The following CPQ variants were observed in gnomAD, a reference collection of about 807,000 sequenced individuals.
CPQ encodes Ser-Met dipeptidase.
In CPQ, 37 loss-of-function variants were observed where a neutral mutation model predicts 45.7. The observed-to-expected ratio is 0.81, with a 90% CI of 0.62 to 1.07. The LOEUF (loss-of-function observed/expected upper bound fraction) is 1.07. Ranked by LOEUF, CPQ falls within the 50% of genes least tolerant of loss-of-function variation. CPQ has a pLI of 0.00. For synonymous variants in CPQ, 186 were observed against 205.8 expected (o/e 0.90, Z 0.82); for missense variants, 537 against 572.9 (o/e 0.94, Z 0.64).
intron 6 of CPQ, among the ~76,000 whole-genome samples, chr8:97,039,641 A>T (rs1384745072): frequency 2.4e-5 from 3 of 122,870 alleles, no homozygotes; most frequent in African/African-American, 3.2e-5. Context: ...CACTCCCCCC[A>T]CCCCACAACA....
chr8:96,670,543 G>C, intron 1 of CPQ, among the ~76,000 whole-genome samples: 1 of 152,220 alleles, frequency 6.6e-6, no homozygotes, highest in Non-Finnish European at 1.5e-5. Flanking sequence ...AAAATTAACA[G>C]AGACAGACAT....
At chr8:96,670,319 T>A (rs12675787) in intron 1 of CPQ, among the ~76,000 whole-genome samples, 105,375 of 149,710 alleles carry the variant, frequency 0.7, 37,411 homozygotes, top group Middle Eastern at 0.82. Flanking sequence ...AATTTTTTTT[T>A]TTTTTTTTTT....
At chr8:97,033,621 C>T (rs1410401823) in intron 6 of CPQ, among the ~76,000 whole-genome samples, 1 of 150,778 alleles carries the variant, frequency 6.6e-6, no homozygotes, top group Non-Finnish European at 1.5e-5. Context: ...CTTGCATGCA[C>T]AATCTTTTTT....
At chr8:96,723,262 T>C (rs2319918) in intron 1 of CPQ, among the ~76,000 whole-genome samples, 60,235 of 152,090 alleles carry the variant, frequency 0.4, 12,258 homozygotes, top group East Asian at 0.56. Flanking sequence ...TTCACTGACA[T>C]AATTTTCTAA....
rs61741750 is a variant in CPQ at position 96,879,831 on chromosome 8, C to T, written c.675C>T (p.Gly225=). The T allele has an allele frequency of 0.023, 37,350 of 1,613,776 alleles. 607 individuals are homozygous for T. The highest frequency in any genetic ancestry group is 0.068 in the African/African-American group (5,122 of 74,978). ...CAGGTATTCAGGAATACCAGGATGG[C>T]GTGCCCAAGATTCCAACAGCCTGTA... The part of the protein sequence containing the change: ...PHTGIQEYQD[G]VPKIPTACIT... Residue 225 remains glycine, a synonymous_variant, in exon 4 of 8, where the codon GGC becomes GGT. Transcript: ENST00000220763.
At chr8:96,897,600 T>G (rs997959499) in intron 4 of CPQ, among the ~76,000 whole-genome samples, 1 of 152,222 alleles carries the variant, frequency 6.6e-6, no homozygotes, top group African/African-American at 2.4e-5. Context: ...AAAATTTGTA[T>G]GAAATTATCT....
At chr8:96,820,552 G>C (rs931389732) in intron 2 of CPQ, among the ~76,000 whole-genome samples, 1 of 151,946 alleles carries the variant, frequency 6.6e-6, no homozygotes, top group Non-Finnish European at 1.5e-5. Context: ...ATGTGAGTGA[G>C]ACTATATGAT....
chr8:97,060,818 A>G (rs1810537994), intron 6 of CPQ, among the ~76,000 whole-genome samples: 2 of 152,306 alleles, frequency 1.3e-5, no homozygotes, highest in African/African-American at 4.8e-5. Context: ...GTCCCCACAC[A>G]TAGCACACTA....
At chr8:96,881,070 G>T (rs2130882237) in intron 4 of CPQ, among the ~76,000 whole-genome samples, 1 of 152,152 alleles carries the variant, frequency 6.6e-6, no homozygotes, top group Middle Eastern at 3.4e-3. Context: ...AGCTAGCCTG[G>T]CATTTGAGAT....
chr8:97,081,360 T>A (rs1435581652), intron 7 of CPQ, among the ~76,000 whole-genome samples: 1 of 152,148 alleles, frequency 6.6e-6, no homozygotes, highest in East Asian at 1.9e-4. Flanking sequence ...CCCATACGCT[T>A]AAATTTTTCA....
chr8:96,837,490 A>C (rs1175881634), intron 3 of CPQ, among the ~76,000 whole-genome samples: 1 of 151,920 alleles, frequency 6.6e-6, no homozygotes, highest in African/African-American at 2.4e-5. Context: ...CTTCTTTCTC[A>C]TGTTTTCTCT....
At chr8:97,078,827 A>G (rs1046062802) in intron 7 of CPQ, among the ~76,000 whole-genome samples, 60 of 136,540 alleles carry the variant, frequency 4.4e-4, no homozygotes, top group African/African-American at 1.5e-3. Flanking sequence ...TTTTTTAGAG[A>G]TGGGATCTCA....
intron 1 of CPQ, among the ~76,000 whole-genome samples, chr8:96,696,952 TA>T (rs1374811122): frequency 1.3e-5 from 2 of 152,166 alleles, no homozygotes; most frequent in Non-Finnish European, 2.9e-5. Flanking sequence ...GAAAAACTAA[TA>T]CCAGTGCTAC....
chr8:96,833,801 A>G (rs1340308319), intron 2 of CPQ, among the ~76,000 whole-genome samples: 4 of 152,210 alleles, frequency 2.6e-5, no homozygotes, highest in African/African-American at 9.6e-5. Flanking sequence ...GGATCATGGT[A>G]CCAGGGGTAG....
chr8:97,123,358 T>G (rs1457277731), intron 7 of CPQ, among the ~76,000 whole-genome samples: 3 of 149,420 alleles, frequency 2.0e-5, no homozygotes, highest in African/African-American at 7.3e-5. Flanking sequence ...AAAGATATAA[T>G]AATGATATAA....
At chr8:96,652,570 A>G (rs1815588355) in intron 1 of CPQ, among the ~76,000 whole-genome samples, 2 of 152,146 alleles carry the variant, frequency 1.3e-5, no homozygotes, top group Admixed American at 6.5e-5. Context: ...TGTAATGGCT[A>G]TACTAATTTA....
chr8:96,981,890 A>G (rs986479488), intron 5 of CPQ, among the ~76,000 whole-genome samples: 1 of 152,176 alleles, frequency 6.6e-6, no homozygotes, highest in African/African-American at 2.4e-5. Context: ...GGCATGTATT[A>G]TTACCACTGG....
intron 2 of CPQ, among the ~76,000 whole-genome samples, chr8:96,820,510 A>G (rs1173161075): frequency 4.0e-5 from 6 of 151,776 alleles, no homozygotes; most frequent in African/African-American, 9.7e-5. Context: ...ACCAATCTCT[A>G]TCTTTATGAG....
intron 4 of CPQ, among the ~76,000 whole-genome samples, chr8:96,927,431 AAGGGTGGATCT>A (rs1812906855): frequency 6.6e-6 from 1 of 152,138 alleles, no homozygotes; most frequent in Non-Finnish European, 1.5e-5. Flanking sequence ...AAAGCACATT[AAGGGTGGATCT>A]AGGTCACTCT....
Sources: allele counts gnomAD v4.1 joint callset (sites outside exome capture counted in the v4.1 genomes callset), GRCh38; gene constraint gnomAD v4.1.1; transcripts MANE v1.5; gene names NCBI Gene and HGNC (gene_info 2026-07-23, HGNC 2026-07-21).